SIPA1L1: variants seen among roughly 807,000 people sequenced by gnomAD.
SIPA1L1 encodes the protein signal-induced proliferation-associated 1-like protein 1.
Under a neutral mutation model 162.7 loss-of-function variants are expected in SIPA1L1, and 26 were observed. The ratio of observed to expected loss-of-function variants is 0.16; its 90% CI spans 0.12 to 0.22. The LOEUF is 0.22. Among genes scored for constraint, SIPA1L1 ranks in the 10% least tolerant of loss-of-function variants. The pLI is 1.00. For synonymous variants in SIPA1L1, 829 were observed against 837.4 expected, an observed-to-expected ratio of 0.99 and a Z score of 0.17; for missense variants, 1,874 against 2,241.0, an observed-to-expected ratio of 0.84 and a Z score of 3.31.
At chr14:71,414,365 C>T (rs561076618) in intron 2 of SIPA1L1, among the ~76,000 whole-genome samples, 10 of 151,944 alleles carry the variant, frequency 6.6e-5, no homozygotes, top group Non-Finnish European at 8.8e-5. Context: ...GGGGACAGGG[C>T]GAGACTCCAT....
chr14:71,739,063 C>T lies in SIPA1L1; in HGVS notation c.5254C>T (p.Arg1752Ter). 6.2e-7 allele frequency: 1 copy of T among 1,614,032 alleles called. No homozygotes were observed. The highest frequency in any genetic ancestry group is 8.5e-7 in the Non-Finnish European group (1 of 1,179,956). The change falls in exon 24 of 24, where the codon CGA (arginine) becomes TGA (stop). Residue 1752 changes from arginine (R) to a stop codon, truncating the protein, a stop_gained. Coordinates refer to ENST00000381232, the MANE Select transcript of SIPA1L1 (RefSeq NM_001386936.1). LOFTEE classifies it high-confidence loss of function. ...AHLQAEVQHL[R>*]EDNLRLQEES... ...CCTTCAGGCGGAGGTGCAGCACCTG[C>T]GAGAGGACAACCTGAGGCTACAGGA...
intron 2 of SIPA1L1, among the ~76,000 whole-genome samples, chr14:71,482,689 T>C (rs1567085513): frequency 6.6e-6 from 1 of 152,212 alleles, no homozygotes; most frequent in Non-Finnish European, 1.5e-5. Flanking sequence ...CTGATGTATT[T>C]AACCTCTTAA....
At chr14:71,650,543 T>C (rs1165649064) in intron 8 of SIPA1L1, 34 bp downstream of exon 8, 1 of 1,600,274 alleles carries the variant, frequency 6.2e-7, no homozygotes, top group Non-Finnish European at 8.6e-7. Context: ...ACTAGGCTTA[T>C]TTTCCCCCTG....
intron 4 of SIPA1L1, among the ~76,000 whole-genome samples, chr14:71,560,569 A>G (rs1177866361): frequency 6.6e-6 from 1 of 152,188 alleles, no homozygotes; most frequent in Non-Finnish European, 1.5e-5. Flanking sequence ...TTTAGGACTA[A>G]TCTGTTCCTG....
chr14:71,446,906 G>GTTTTTTTTTTTTTT lies in SIPA1L1; in HGVS notation c.-464-65827_-464-65814dup, dbSNP rs1189940440. Reference sequence around the variant, plus strand: ...AGAGATGGGCTCTGTTTTTTTTTTTGTTTTTTTTTTTTTTTTTTTTTTTGA... The same window carrying GTTTTTTTTTTTTTT: ...AGAGATGGGCTCTGTTTTTTTTTTTGTTTTTTTTTTTTTTTTTTTTTTTTTTTTTTTTTTTTTGA... On this transcript the variant is annotated intron_variant, in intron 2 of 23. Transcript: ENST00000381232. 7.9e-3 allele frequency among the ~76,000 whole-genome samples: 419 copies of GTTTTTTTTTTTTTT among 53,172 alleles called. 10 individuals carry two copies. Among genetic ancestry groups the GTTTTTTTTTTTTTT allele is most frequent in the East Asian group, 0.011 (15 of 1,324 alleles). The allele number at this position is 53,172 out of a possible 152,430, so 34.9% of individuals were successfully genotyped here.
intron 2 of SIPA1L1, chr14:71,467,369 C>T (rs2047084987): frequency 6.6e-6 from 1 of 152,118 alleles, no homozygotes; most frequent in Non-Finnish European, 1.5e-5. Flanking sequence ...TCGTCATTCA[C>T]TATTTGTTTG....
intron 14 of SIPA1L1, among the ~76,000 whole-genome samples, chr14:71,699,837 A>G (rs1269677149): frequency 3.3e-5 from 5 of 152,236 alleles, no homozygotes; most frequent in Admixed American, 3.3e-4. Flanking sequence ...CCTGGAAAGA[A>G]CTGGATGGCC....
At chr14:71,454,872 A>G (rs1273430821) in intron 2 of SIPA1L1, among the ~76,000 whole-genome samples, 2 of 152,202 alleles carry the variant, frequency 1.3e-5, no homozygotes, top group Non-Finnish European at 2.9e-5. Flanking sequence ...TACTCCCTTT[A>G]TCTGCCCTTT....
At chr14:71,728,396 A>G (rs1321547829) in intron 19 of SIPA1L1, among the ~76,000 whole-genome samples, 2 of 152,262 alleles carry the variant, frequency 1.3e-5, no homozygotes, top group African/African-American at 4.8e-5. Flanking sequence ...TAGTTTCTAG[A>G]CAAGTACATA....
At chr14:71,542,281 TCTC>T in intron 4 of SIPA1L1, among the ~76,000 whole-genome samples, 1 of 148,198 alleles carries the variant, frequency 6.7e-6, no homozygotes, top group South Asian at 2.2e-4. Context: ...TTCCTCTTCC[TCTC>T]CTCTTCCTCT....
chr14:71,344,706 T>A (rs1482414317), intron 2 of SIPA1L1, among the ~76,000 whole-genome samples: 1 of 152,108 alleles, frequency 6.6e-6, no homozygotes, highest in Non-Finnish European at 1.5e-5. Flanking sequence ...ACTGTAGGTG[T>A]GCGCCACTAT....
intron 4 of SIPA1L1, among the ~76,000 whole-genome samples, chr14:71,538,387 C>G (rs1305109799): frequency 2.0e-5 from 3 of 152,148 alleles, no homozygotes; most frequent in African/African-American, 7.2e-5. Flanking sequence ...GGAGCCACAG[C>G]TTGGAATAAT....
chr14:71,697,457 T>C (rs974654536), intron 13 of SIPA1L1, among the ~76,000 whole-genome samples: 2 of 152,198 alleles, frequency 1.3e-5, no homozygotes, highest in Admixed American at 1.3e-4. Flanking sequence ...CAGTCACAAG[T>C]TGTCCTGTGA....
chr14:71,419,183 G>A (rs1451575652), intron 2 of SIPA1L1, among the ~76,000 whole-genome samples: 1 of 151,642 alleles, frequency 6.6e-6, no homozygotes, highest in African/African-American at 2.4e-5. Context: ...CGTTCAGTAG[G>A]TTAAATAGTG....
At chr14:71,673,392 T>C (rs1373093220) in intron 12 of SIPA1L1, among the ~76,000 whole-genome samples, 1 of 152,246 alleles carries the variant, frequency 6.6e-6, no homozygotes, top group East Asian at 1.9e-4. Context: ...CATTATTTTC[T>C]AAGAATTTCT....
intron 19 of SIPA1L1, among the ~76,000 whole-genome samples, chr14:71,726,683 T>C (rs1022836230): frequency 1.3e-5 from 2 of 152,248 alleles, no homozygotes; most frequent in African/African-American, 4.8e-5. Context: ...TTCTGCTGGC[T>C]AAACCATCAC....
rs78386651 is a variant in SIPA1L1 at position 71,322,885 on chromosome 14, A to C, written c.-465+1704A>C. Among the ~76,000 whole-genome samples the C allele has an allele frequency of 9.2e-5, 14 of 152,346 alleles. No homozygotes were observed. The East Asian group carries it at 2.7e-3, about 29-fold the overall frequency. On this transcript the variant is annotated intron_variant, in intron 2 of 23. Transcript: ENST00000381232. The stretch of plus-strand genomic sequence containing the variant: ...CTGCAGTTCCTGCTTCTGCTCCTCG[A>C]GTTTGAAATTGCAATTCTGGTACAG...
In SIPA1L1 at chr14:71,735,318, C is replaced by T. The variant is rs760107430; in HGVS notation, c.5050C>T (p.Arg1684Cys). The change falls in exon 22 of 24, where the codon CGC becomes TGC. Residue 1684 changes from arginine to cysteine, a missense_variant. Around this residue, in one of 5 missense-constraint regions of SIPA1L1, gnomAD observed 936 missense variants for 1,051.9 expected, o/e 0.89. Coordinates refer to ENST00000381232, the MANE Select transcript of SIPA1L1 (RefSeq NM_001386936.1). ...SFFAASDENH[R>C]PLSAASNSDQ... Reference sequence around the variant, plus strand: ...TTTTGCTGCTAGTGATGAAAACCATCGCCCCTTGAGTGCTGCATCCAACAG... The same window carrying T: ...TTTTGCTGCTAGTGATGAAAACCATTGCCCCTTGAGTGCTGCATCCAACAG... 34 of 1,614,044 alleles carry T rather than the reference C, an allele frequency of 2.1e-5. No individual in the cohort carries two copies. The highest frequency in any genetic ancestry group is 1.3e-4 in the East Asian group (6 of 44,886).
chr14:71,549,064 T>C (rs1366553697), intron 4 of SIPA1L1, among the ~76,000 whole-genome samples: 1 of 152,212 alleles, frequency 6.6e-6, no homozygotes, highest in Non-Finnish European at 1.5e-5. Flanking sequence ...TAAAAATGCC[T>C]CACTTTTATT....
Sources: gnomAD v4.1 joint callset for allele counts (sites outside exome capture counted in the v4.1 genomes callset) on GRCh38, gnomAD v4.1.1 for gene constraint, gnomAD v4.1.1 regional missense constraint, MANE v1.5 for transcripts, NCBI Gene and HGNC (gene_info 2026-07-23, HGNC 2026-07-21) for gene names.